UNC119: variants seen among roughly 807,000 people sequenced by gnomAD.
The protein encoded by UNC119 is protein unc-119 homolog A.
UNC119 carries 15 observed loss-of-function variants against 22.6 expected under a neutral mutation model. That is an observed-to-expected ratio of 0.66 (90% confidence interval 0.44 to 1.02). The LOEUF is 1.02. UNC119 is among the 50% of genes least tolerant of loss of function. The pLI is 0.00. For missense variants in UNC119, 322 were observed against 336.0 expected (o/e 0.96, Z 0.33); for synonymous variants, 138 against 139.4 (o/e 0.99, Z 0.07).
chr17:28,552,450 T>C lies in UNC119; in HGVS notation c.108A>G (p.Glu36=). ...CGTCCGGCTCCGACTCGGACCCAGA[T>C]TCGGATTCCGCAGGCGGCTGTGGTA... ...APIPQPPAES[E]SGSESEPDAG... The change falls in exon 1 of 5, where the codon GAA becomes GAG. Residue 36 remains glutamate, a synonymous_variant. Transcript: ENST00000335765. 6.3e-7 allele frequency: 1 copy of C among 1,576,606 alleles called. No homozygotes were observed. Among genetic ancestry groups the C allele is most frequent in the Non-Finnish European group, 8.5e-7 (1 of 1,169,972 alleles).
At position 28,552,452 on chromosome 17, in the gene UNC119, C is replaced by T; in HGVS notation, c.106G>A (p.Glu36Lys). 1.9e-6 allele frequency: 3 copies of T among 1,577,254 alleles called. No individual in the cohort carries two copies. Among genetic ancestry groups the T allele is most frequent in the South Asian group, 1.1e-5 (1 of 88,080 alleles). ...TCCGGCTCCGACTCGGACCCAGATT[C>T]GGATTCCGCAGGCGGCTGTGGTATG... ...APIPQPPAES[E>K]SGSESEPDAG... The change falls in exon 1 of 5, where the codon GAA becomes AAA. Residue 36 changes from glutamate to lysine, a missense_variant. Glu to Lys is a moderately conservative substitution (Grantham distance 56). Transcript: ENST00000335765.
intron 1 of UNC119, chr17:28,550,036 C>T (rs1397055760): frequency 6.6e-6 from 1 of 152,288 alleles, no homozygotes; most frequent in Non-Finnish European, 1.5e-5. Context: ...AAGCCTGACG[C>T]TGTCCCCTCC....
At chr17:28,552,309 G>C (rs1295671742) in intron 1 of UNC119, 29 bp downstream of exon 1, 6 of 1,528,508 alleles carry the variant, frequency 3.9e-6, no homozygotes, top group Non-Finnish European at 5.3e-6. Flanking sequence ...CTTCCCACCC[G>C]CGGGCGGCGC....
chr17:28,547,673 G>A lies in UNC119; in HGVS notation c.610+4C>T, dbSNP rs2070222654. On this transcript the variant is annotated splice_donor_region_variant and intron_variant, in intron 4 of 4. Transcript: ENST00000335765. ...CCCACTCCCAGAAGACCCTGCCCGC[G>A]CACTCAGCTCCTCGGAGAGAGGGGG... The A allele has an allele frequency of 6.2e-7, 1 of 1,614,196 alleles. No individual in the cohort carries two copies. The highest frequency in any genetic ancestry group is 8.5e-7 in the Non-Finnish European group (1 of 1,180,032).
intron 2 of UNC119, 65 bp from the exon 3 acceptor site, chr17:28,548,166 A>AT (rs2070232441): frequency 6.7e-7 from 1 of 1,495,546 alleles, no homozygotes; most frequent in East Asian, 2.5e-5. Flanking sequence ...CCAGGGTTCT[A>AT]CCCTTGGGTC....
chr17:28,551,881 T>G, intron 1 of UNC119: 1 of 293,448 alleles, frequency 3.4e-6, no homozygotes, highest in Non-Finnish European at 7.1e-6. Context: ...AGGGTATTAA[T>G]GGTTGGGGAG....
chr17:28,547,908 C>A, intron 3 of UNC119, 59 bp from the exon 4 acceptor site: 1 of 1,612,912 alleles, frequency 6.2e-7, no homozygotes, highest in East Asian at 2.2e-5. Context: ...GCCAGCCAGG[C>A]TCAGGACAGG....
Position 28,547,151 on chromosome 17 carries a change from G to A in UNC119, c.*146C>T, listed in dbSNP as rs2070214134. ...TCATGGGCTTGACTGGGGACACCAG[G>A]TACCCTTCCTCCCAACATTGACTCA... On this transcript the variant is annotated 3_prime_UTR_variant, in exon 5 of 5. Transcript: ENST00000335765. 2 of 991,206 alleles carry A rather than the reference G, an allele frequency of 2.0e-6. No individual in the cohort carries two copies. The highest frequency in any genetic ancestry group is 4.0e-5 in the Admixed American group (2 of 49,450). The allele number at this position is 991,206 out of a possible 1,614,324, so 61.4% of individuals were successfully genotyped here.
intron 1 of UNC119, chr17:28,551,782 G>C (rs962345528): frequency 9.9e-6 from 2 of 202,350 alleles, no homozygotes; most frequent in African/African-American, 4.8e-5. Flanking sequence ...CTCCCCATGA[G>C]AGGAACCACA....
intron 1 of UNC119, chr17:28,552,019 G>A: frequency 1.8e-6 from 1 of 566,058 alleles, no homozygotes; most frequent in Non-Finnish European, 3.4e-6. Context: ...GCGCTCTGGA[G>A]ACTCCACAGC....
chr17:28,548,516 G>T, intron 2 of UNC119, 76 bp downstream of exon 2: 3 of 1,270,556 alleles, frequency 2.4e-6, no homozygotes, highest in South Asian at 1.2e-5. Context: ...CTCCTCTGTG[G>T]CCCAAGGATT....
chr17:28,548,673 T>G lies in UNC119; in HGVS notation c.253A>C (p.Lys85Gln). The G allele has an allele frequency of 6.2e-7, 1 of 1,614,152 alleles. No homozygotes were observed. The highest frequency in any genetic ancestry group is 8.5e-7 in the Non-Finnish European group (1 of 1,180,014). ...ATCTTAAACCTGACAAAGTCGATCT[T>G]GTAGATATTCTCCTCAGGGGAGCAG... ...YLCSPEENIY[K>Q]IDFVRFKIRD... Residue 85 changes from lysine (K) to glutamine (Q), a missense_variant, in exon 2 of 5, where the codon AAG becomes CAG. By Grantham distance (53) the Lys-to-Gln change is moderately conservative. Transcript: ENST00000335765.
In UNC119 at chr17:28,547,171, G is replaced by T; in HGVS notation, c.*126C>A. ...ACCAGGTACCCTTCCTCCCAACATTGACTCAGGGTCCGGAGCTCCTGGAGA... is the reference window on the plus strand; with the variant it reads ...ACCAGGTACCCTTCCTCCCAACATTTACTCAGGGTCCGGAGCTCCTGGAGA... On this transcript the variant is annotated 3_prime_UTR_variant, in exon 5 of 5. Transcript: ENST00000335765. 8.6e-7 allele frequency: 1 copy of T among 1,165,222 alleles called. No individual in the cohort carries two copies. Among genetic ancestry groups the T allele is most frequent in the Non-Finnish European group, 1.2e-6 (1 of 804,984 alleles). The allele number at this position is 1,165,222 out of a possible 1,614,324, so 72.2% of individuals were successfully genotyped here. A position where few individuals can be genotyped will look rare whatever the true frequency, so the allele number is the denominator to read the frequency against.
chr17:28,551,887 G>A (rs1181032201), intron 1 of UNC119: 1 of 303,116 alleles, frequency 3.3e-6, no homozygotes, highest in Non-Finnish European at 6.9e-6. Context: ...TTAATGGTTG[G>A]GGAGACATGA....
Position 28,547,282 on chromosome 17 carries a change from A to G in UNC119, c.*15T>C, listed in dbSNP as rs1334569497. On this transcript the variant is annotated 3_prime_UTR_variant, in exon 5 of 5. Coordinates refer to ENST00000335765, the MANE Select transcript of UNC119 (RefSeq NM_005148.4). ...CCCAGAACTGGAGCCTCCTGGGGTC[A>G]GGGCAGCCGTGGGGTCAGGGTGTCC... 6.2e-7 allele frequency: 1 copy of G among 1,613,776 alleles called. No homozygotes were observed. Among genetic ancestry groups the G allele is most frequent in the Non-Finnish European group, 8.5e-7 (1 of 1,179,876 alleles).
At chr17:28,549,481 T>C (rs1045771901) in intron 1 of UNC119, 2 of 152,344 alleles carry the variant, frequency 1.3e-5, no homozygotes, top group African/African-American at 2.4e-5. Context: ...GCCTGGGATA[T>C]GGCAGGTGGG....
intron 2 of UNC119, among the ~76,000 whole-genome samples, 186 bp downstream of exon 2, chr17:28,548,406 G>C (rs937725204): frequency 1.3e-5 from 2 of 152,156 alleles, no homozygotes; most frequent in African/African-American, 4.8e-5. Context: ...GGCTGACCTC[G>C]CAAGATGTCC....
chr17:28,548,458 G>T, intron 2 of UNC119, 134 bp downstream of exon 2: 1 of 733,810 alleles, frequency 1.4e-6, no homozygotes, highest in Non-Finnish European at 2.3e-6. Context: ...GGGCCCCCCT[G>T]CCTGCAGACT....
chr17:28,552,273 C>G (rs561447920), intron 1 of UNC119, 65 bp downstream of exon 1: 2 of 1,449,914 alleles, frequency 1.4e-6, no homozygotes, highest in East Asian at 5.0e-5. Context: ...CTTGGCGCGC[C>G]GGGAGGGCCC....
Sources: gnomAD v4.1 joint callset for allele counts (sites outside exome capture counted in the v4.1 genomes callset) on GRCh38, gnomAD v4.1.1 for gene constraint, MANE v1.5 for transcripts, NCBI Gene and HGNC (gene_info 2026-07-23, HGNC 2026-07-21) for gene names.